The following HIPK1 variants were observed in gnomAD, a reference collection of about 807,000 sequenced individuals.
HIPK1 encodes the protein homeodomain interacting protein kinase 1, also known as homeodomain-interacting protein kinase 1.
A neutral mutation model predicts 117.1 loss-of-function variants in HIPK1; 28 were observed. The ratio of observed to expected loss-of-function variants is 0.24; its 90% confidence interval spans 0.18 to 0.33. HIPK1 has a LOEUF of 0.33. Among genes scored for constraint, HIPK1 ranks in the 10% least tolerant of loss-of-function variants. HIPK1 has a pLI of 1.00. For synonymous variants in HIPK1, 605 were observed against 562.5 expected (o/e 1.08, Z -1.07); for missense variants, 1,122 against 1,475.1 (o/e 0.76, Z 3.92).
At chr1:113,943,675 CTA>C (rs1670796830) in intron 2 of HIPK1, among the ~76,000 whole-genome samples, 1 of 152,150 alleles carries the variant, frequency 6.6e-6, no homozygotes, top group Admixed American at 6.5e-5. Context: ...CATGATAATT[CTA>C]TGTTTAACTT....
chr1:113,930,040 G>A (rs1669749069), intron 1 of HIPK1: 1 of 984,378 alleles, frequency 1.0e-6, no homozygotes, highest in Non-Finnish European at 1.2e-6. Flanking sequence ...GGAGCGCCCA[G>A]CCTGCCGGGG....
intron 1 of HIPK1, among the ~76,000 whole-genome samples, chr1:113,938,929 T>TACACACACAC (rs55979020): frequency 0.075 from 8,668 of 115,314 alleles, 656 homozygotes; most frequent in African/African-American, 0.19. Flanking sequence ...AAAAAAAAAA[T>TACACACACAC]ACACACACAC....
intron 8 of HIPK1, among the ~76,000 whole-genome samples, chr1:113,961,341 A>G (rs1213415935): frequency 5.9e-5 from 9 of 152,230 alleles, no homozygotes; most frequent in Admixed American, 4.6e-4. Context: ...GTCAATGACA[A>G]GAGTAGATTT....
rs1173768573 is a variant in HIPK1 at position 113,973,071 on chromosome 1, C to G, written c.3192C>G (p.Asn1064Lys). ...CAACCTCACAGGAGAGAAGCAGCAA[C>G]CCAGCCCCCCGCAGGCAGCAGGCGT... ...AAPTSQERSS[N>K]PAPRRQQAFV... is the part of the protein sequence containing the mutation. The change falls in exon 16 of 16, where the codon AAC becomes AAG. Residue 1064 changes from asparagine (N) to lysine (K), a missense_variant. Asn to Lys is a moderately conservative substitution (Grantham distance 94). Around this residue, in one of 6 missense-constraint regions of HIPK1, gnomAD observed 731 missense variants for 860.4 expected, o/e 0.85. Coordinates refer to ENST00000426820, the MANE Select transcript of HIPK1 (RefSeq NM_198268.3). 1.3e-6 allele frequency: 2 copies of G among 1,530,726 alleles called. No individual in the cohort carries two copies. Among genetic ancestry groups the G allele is most frequent in the African/African-American group, 2.8e-5 (2 of 72,310 alleles). 94.8% of individuals were successfully genotyped at this position (1,530,726 alleles called of 1,614,324 possible).
intron 4 of HIPK1, among the ~76,000 whole-genome samples, 162 bp downstream of exon 4, chr1:113,954,932 G>T (rs1671611855): frequency 6.6e-6 from 1 of 152,208 alleles, no homozygotes. Flanking sequence ...CTTATCCTCA[G>T]TTGAAAAACA....
intron 2 of HIPK1, among the ~76,000 whole-genome samples, chr1:113,943,732 T>C (rs918906889): frequency 6.6e-6 from 1 of 152,248 alleles, no homozygotes; most frequent in Non-Finnish European, 1.5e-5. Context: ...TGCACTATTT[T>C]ACATTCCTAC....
intron 1 of HIPK1, among the ~76,000 whole-genome samples, chr1:113,937,774 G>A (rs1670348127): frequency 6.6e-6 from 1 of 152,114 alleles, no homozygotes; most frequent in Non-Finnish European, 1.5e-5. Flanking sequence ...GTTTCTGCAT[G>A]TGACAGAGGT....
In HIPK1 at chr1:113,976,195, T is replaced by A. The variant is rs981479074; in HGVS notation, c.*2683T>A. On this transcript the variant is annotated 3_prime_UTR_variant, in exon 16 of 16. Coordinates refer to ENST00000426820, the MANE Select transcript of HIPK1 (RefSeq NM_198268.3). ...CAGGAACATGTTGTGTTTTCTTTAT[T>A]TTTTAAAATCATTATATTGAGTTGT... 1 of 152,736 alleles carries A rather than the reference T, an allele frequency of 6.5e-6. No homozygotes were observed. The highest frequency in any genetic ancestry group is 1.5e-5 in the Non-Finnish European group (1 of 68,030). The allele number at this position is 152,736 out of a possible 1,614,324, so 9.5% of individuals were successfully genotyped here. A position where few individuals can be genotyped will look rare whatever the true frequency, so the allele number is the denominator to read the frequency against.
intron 1 of HIPK1, chr1:113,933,350 C>A: frequency 4.8e-6 from 1 of 208,288 alleles, no homozygotes; most frequent in Non-Finnish European, 8.4e-6. Flanking sequence ...CCCAGAGAGA[C>A]TTGGTAGTAT....
In HIPK1 at chr1:113,955,583, G is replaced by A. The variant is rs2101332736; in HGVS notation, c.1341G>A (p.Leu447=). The change falls in exon 5 of 16, where the codon CTG becomes CTA. Residue 447 remains leucine (L), a synonymous_variant. Coordinates refer to ENST00000426820, the MANE Select transcript of HIPK1 (RefSeq NM_198268.3). ...WRLKTPEEHE[L]ETGIKSKEAR... ...TATAGACACCTGAAGAACATGAACT[G>A]GAGACTGGAATAAAATCAAAAGAAG... 1.9e-6 allele frequency: 3 copies of A among 1,593,942 alleles called. No individual in the cohort carries two copies. Among genetic ancestry groups the A allele is most frequent in the Middle Eastern group, 3.3e-4 (2 of 6,006 alleles).
intron 7 of HIPK1, 67 bp from the exon 8 acceptor site, chr1:113,957,999 G>A: frequency 8.8e-7 from 1 of 1,134,726 alleles, no homozygotes; most frequent in South Asian, 1.3e-5. Flanking sequence ...GATAAATTCT[G>A]TATATATAAA....
intron 1 of HIPK1, among the ~76,000 whole-genome samples, chr1:113,932,644 G>A (rs1446810393): frequency 6.6e-6 from 1 of 152,086 alleles, no homozygotes; most frequent in Non-Finnish European, 1.5e-5. Context: ...CTCCCAAAGT[G>A]CTGAGATTAC....
rs1189742786 is a variant in HIPK1 at position 113,957,173 on chromosome 1, A to G, written c.1642A>G (p.Met548Val). 5.0e-6 allele frequency: 8 copies of G among 1,613,010 alleles called. No individual in the cohort carries two copies. The South Asian group carries it at 8.8e-5, about 18-fold the overall frequency. ...NMEICKRRVH[M>V]YDTVSQIKSP... ...GGAGATCTGCAAGCGGAGGGTTCAC[A>G]TGTATGATACAGTGAGTCAGATCAA... Residue 548 changes from methionine to valine, a missense_variant, in exon 7 of 16, where the codon ATG (methionine) becomes GTG (valine). This residue lies in a region of HIPK1 where 731 missense variants were observed against 860.4 expected (regional missense o/e 0.85). Transcript: ENST00000426820.
Position 113,956,763 on chromosome 1 carries a change from A to G in HIPK1, c.1544A>G (p.His515Arg), listed in dbSNP as rs1558139266. Reference protein sequence around the residue: ...KRITPLKTLNHQFVTMTHLLD... With the variant: ...KRITPLKTLNRQFVTMTHLLD... ...ATTACCCCTCTAAAAACTCTTAACCATCAGTTTGTGACAATGACTCACCTT... is the reference window on the plus strand; with the variant it reads ...ATTACCCCTCTAAAAACTCTTAACCGTCAGTTTGTGACAATGACTCACCTT... Residue 515 changes from histidine (H) to arginine (R), a missense_variant, in exon 6 of 16, where the codon CAT becomes CGT. Around this residue, in one of 6 missense-constraint regions of HIPK1, gnomAD observed 731 missense variants for 860.4 expected, o/e 0.85. Coordinates refer to ENST00000426820, the MANE Select transcript of HIPK1 (RefSeq NM_198268.3). 6.2e-7 allele frequency: 1 copy of G among 1,614,122 alleles called. No individual in the cohort carries two copies. The highest frequency in any genetic ancestry group is 8.5e-7 in the Non-Finnish European group (1 of 1,179,964).
intron 4 of HIPK1, among the ~76,000 whole-genome samples, chr1:113,954,994 C>T (rs760676060): frequency 6.6e-6 from 1 of 152,196 alleles, no homozygotes; most frequent in Non-Finnish European, 1.5e-5. Context: ...TATGTTCAAT[C>T]CACAGCTGAT....
At chr1:113,955,714 T>C (rs1671672882) in intron 5 of HIPK1, 65 bp downstream of exon 5, 1 of 808,866 alleles carries the variant, frequency 1.2e-6, no homozygotes, top group Non-Finnish European at 2.0e-6. Context: ...CTGTTGATTA[T>C]ACTAAAGACA....
At chr1:113,936,477 T>C (rs1225274483) in intron 1 of HIPK1, among the ~76,000 whole-genome samples, 1 of 152,184 alleles carries the variant, frequency 6.6e-6, no homozygotes, top group Non-Finnish European at 1.5e-5. Flanking sequence ...AATCCTTTTT[T>C]TTTTTGAGAT....
chr1:113,962,311 C>G lies in HIPK1; in HGVS notation c.1982-6C>G. On this transcript the variant is annotated splice_region_variant and splice_polypyrimidine_tract_variant and intron_variant, in intron 8 of 15. Transcript: ENST00000426820. ...AACTATTTAACTGTGATGCTGTTTT[C>G]AATAGCTGGACTACAAGCAACAACA... The G allele has an allele frequency of 6.2e-7, 1 of 1,612,850 alleles. No individual in the cohort carries two copies. The highest frequency in any genetic ancestry group is 1.7e-4 in the Middle Eastern group (1 of 6,052).
intron 13 of HIPK1, 34 bp from the exon 14 acceptor site, chr1:113,969,922 C>T: frequency 6.2e-7 from 1 of 1,611,442 alleles, no homozygotes; most frequent in Non-Finnish European, 8.5e-7. Context: ...CAAAAAAGAA[C>T]AATTCAATTT....
Sources: allele counts gnomAD v4.1 joint callset (sites outside exome capture counted in the v4.1 genomes callset), GRCh38; gene constraint gnomAD v4.1.1; regional missense constraint gnomAD v4.1.1; transcripts MANE v1.5; gene names NCBI Gene and HGNC (gene_info 2026-07-23, HGNC 2026-07-21).